The following ANK1 variants were observed in gnomAD, a reference collection of about 807,000 sequenced individuals.
ANK1 encodes ankyrin-1.
A neutral mutation model predicts 210.4 loss-of-function variants in ANK1; 51 were observed. The observed-to-expected ratio is 0.24, with a 90% confidence interval of 0.19 to 0.31. ANK1 has a LOEUF of 0.31. ANK1 is among the 10% of genes least tolerant of loss of function. The probability of loss-of-function intolerance (pLI) is 1.00; values close to 1 mark genes in which losing one functional copy is unlikely to be tolerated. For synonymous variants in ANK1, 967 were observed against 1,025.9 expected (o/e 0.94, Z 1.10); for missense variants, 2,051 against 2,504.4 (o/e 0.82, Z 3.86).
intron 1 of ANK1, among the ~76,000 whole-genome samples, chr8:41,850,942 A>G (rs1811123713): frequency 6.6e-6 from 1 of 152,210 alleles, no homozygotes; most frequent in Non-Finnish European, 1.5e-5. Flanking sequence ...GCCTCTTTCT[A>G]AGGGAGGCGG....
chr8:41,815,450 T>G (rs1803165323), intron 1 of ANK1, among the ~76,000 whole-genome samples: 1 of 152,134 alleles, frequency 6.6e-6, no homozygotes, highest in South Asian at 2.1e-4. Flanking sequence ...TGTATTCCAT[T>G]TTAGTCAGTT....
chr8:41,726,953 C>A (rs968344750), intron 5 of ANK1, among the ~76,000 whole-genome samples: 1 of 152,210 alleles, frequency 6.6e-6, no homozygotes, highest in Admixed American at 6.5e-5. Context: ...ACTTGCCAAC[C>A]ATACACATGC....
chr8:41,672,323 AG>A, intron 38 of ANK1, 30 bp downstream of exon 38: 1 of 1,610,348 alleles, frequency 6.2e-7, no homozygotes, highest in Non-Finnish European at 8.5e-7. Context: ...GAAGACAAAA[AG>A]GGACCCTGCT....
intron 1 of ANK1, among the ~76,000 whole-genome samples, chr8:41,785,191 C>G (rs1158394527): frequency 6.6e-6 from 1 of 152,102 alleles, no homozygotes; most frequent in Admixed American, 6.5e-5. Context: ...GACCTCTTCT[C>G]TACAAAAAAT....
chr8:41,691,410 C>A lies in ANK1; in HGVS notation c.3859-811G>T, dbSNP rs1312847366. Among the ~76,000 whole-genome samples, 5 of 152,180 alleles carry A rather than the reference C, an allele frequency of 3.3e-5. No individual in the cohort carries two copies. In the East Asian group the frequency reaches 9.6e-4, roughly 29 times the overall value. The stretch of plus-strand genomic sequence containing the variant: ...AGGCTGAAAGAGAAAAACCGGTTTG[C>A]CTCGTTAGTGCCTAAGACAGGATTA... On this transcript the variant is annotated intron_variant, in intron 31 of 42. Transcript: ENST00000289734.
At chr8:41,707,156 C>T (rs994930746) in intron 17 of ANK1, among the ~76,000 whole-genome samples, 4 of 152,182 alleles carry the variant, frequency 2.6e-5, no homozygotes, top group African/African-American at 9.7e-5. Context: ...AGTGCTGGCA[C>T]GGTCAAGAGG....
intron 37 of ANK1, among the ~76,000 whole-genome samples, chr8:41,680,496 GA>G (rs1466609949): frequency 3.3e-5 from 5 of 150,816 alleles, no homozygotes; most frequent in African/African-American, 1.2e-4. Flanking sequence ...CCGGGAGGCA[GA>G]GAGGTTGCAG....
intron 2 of ANK1, among the ~76,000 whole-genome samples, chr8:41,748,275 C>T (rs1472511488): frequency 1.3e-5 from 2 of 152,220 alleles, no homozygotes; most frequent in Admixed American, 6.5e-5. Flanking sequence ...TTTAATACCA[C>T]AACACCATCA....
At chr8:41,771,571 C>G (rs1189189218) in intron 1 of ANK1, among the ~76,000 whole-genome samples, 3 of 152,214 alleles carry the variant, frequency 2.0e-5, no homozygotes, top group Non-Finnish European at 2.9e-5. Context: ...GCTAAAGACT[C>G]TCGGCAGACA....
intron 1 of ANK1, chr8:41,828,226 C>G (rs1805863823): frequency 6.5e-6 from 1 of 152,784 alleles, no homozygotes; most frequent in Non-Finnish European, 1.5e-5. Flanking sequence ...AGCAGGAACA[C>G]CCAGCGCCGT....
chr8:41,783,466 T>C (rs1845730546), intron 1 of ANK1, among the ~76,000 whole-genome samples: 1 of 152,202 alleles, frequency 6.6e-6, no homozygotes, highest in South Asian at 2.1e-4. Flanking sequence ...GGACTTTTTT[T>C]CAGCCTTTTC....
chr8:41,785,652 A>C (rs1486507663), intron 1 of ANK1, among the ~76,000 whole-genome samples: 1 of 152,024 alleles, frequency 6.6e-6, no homozygotes, highest in Non-Finnish European at 1.5e-5. Context: ...AGTCCCAACC[A>C]CTGCTGCCCC....
At chr8:41,705,727 C>A (rs111798672) in intron 18 of ANK1, among the ~76,000 whole-genome samples, 2 of 152,324 alleles carry the variant, frequency 1.3e-5, no homozygotes, top group African/African-American at 2.4e-5. Flanking sequence ...ACTGCAGACA[C>A]CTCGACGGCA....
chr8:41,665,698 G>A (rs1810276221), intron 39 of ANK1: 1 of 208,698 alleles, frequency 4.8e-6, no homozygotes, highest in African/African-American at 2.3e-5. Flanking sequence ...GTGAGTGATG[G>A]GCTCAGGGAC....
At chr8:41,884,218 T>A (rs978996821) in intron 1 of ANK1, among the ~76,000 whole-genome samples, 3 of 152,036 alleles carry the variant, frequency 2.0e-5, no homozygotes, top group Non-Finnish European at 4.4e-5. Flanking sequence ...CATGGTGGCA[T>A]GTGCCTGTAA....
chr8:41,790,252 T>G (rs1232305635), intron 1 of ANK1, among the ~76,000 whole-genome samples: 2 of 151,866 alleles, frequency 1.3e-5, no homozygotes, highest in African/African-American at 4.8e-5. Context: ...GTTCAAGCGA[T>G]TCTCCCGCCT....
At position 41,734,070 on chromosome 8, in the gene ANK1, C is replaced by T. The variant is rs1267754855; in HGVS notation, c.130-1G>A. On this transcript the variant is annotated splice_acceptor_variant, in intron 2 of 42. Coordinates refer to ENST00000289734, the MANE Select transcript of ANK1 (RefSeq NM_000037.4). LOFTEE classifies it high-confidence loss of function. ...CCAGATGCAAGCCATTCAACCCATTCTGTAAAGAGCAGAGAGGCGGGAAGG... is the reference window on the plus strand; with the variant it reads ...CCAGATGCAAGCCATTCAACCCATTTTGTAAAGAGCAGAGAGGCGGGAAGG... 1 of 1,613,798 alleles carries T rather than the reference C, an allele frequency of 6.2e-7. No individual in the cohort carries two copies. The highest frequency in any genetic ancestry group is 1.3e-5 in the African/African-American group (1 of 75,062).
chr8:41,893,463 G>A (rs1819833258), intron 1 of ANK1, among the ~76,000 whole-genome samples: 1 of 152,172 alleles, frequency 6.6e-6, no homozygotes, highest in Non-Finnish European at 1.5e-5. Context: ...GTCAGTCAGT[G>A]CGTCACAACA....
chr8:41,676,865 A>G (rs1814326595), intron 37 of ANK1, among the ~76,000 whole-genome samples: 1 of 152,178 alleles, frequency 6.6e-6, no homozygotes, highest in Non-Finnish European at 1.5e-5. Flanking sequence ...TATCAGGGTA[A>G]TGCTGGCCTC....
Sources: gnomAD v4.1 joint callset for allele counts (sites outside exome capture counted in the v4.1 genomes callset) on GRCh38, gnomAD v4.1.1 for gene constraint, MANE v1.5 for transcripts, NCBI Gene and HGNC (gene_info 2026-07-23, HGNC 2026-07-21) for gene names.